The following TNNI3K variants were observed in gnomAD, a reference collection of about 807,000 sequenced individuals.
TNNI3K encodes TNNI3 interacting kinase.
In TNNI3K, 140 loss-of-function variants were observed where a neutral mutation model predicts 114.5. The ratio of observed to expected loss-of-function variants is 1.22; its 90% CI spans 1.07 to 1.41. TNNI3K has a LOEUF of 1.41. Ranked by LOEUF, TNNI3K falls within the 40% of genes most tolerant of loss-of-function variation. The pLI is 0.00. For synonymous variants in TNNI3K, 347 were observed against 347.5 expected (o/e 1.00, Z 0.02); for missense variants, 1,125 against 1,007.6 (o/e 1.12, Z -1.58).
chr1:74,441,764 C>T (rs1666383911), intron 20 of TNNI3K, among the ~76,000 whole-genome samples: 1 of 151,966 alleles, frequency 6.6e-6, no homozygotes, highest in Admixed American at 6.6e-5. Context: ...ACTTTATGTG[C>T]TTGTTTGATA....
intron 17 of TNNI3K, chr1:74,375,021 T>G (rs1662834572): frequency 6.6e-6 from 1 of 152,060 alleles, no homozygotes; most frequent in South Asian, 2.1e-4. Context: ...AGATATAGTA[T>G]TATATGTTAT....
Position 74,369,462 on chromosome 1 carries a change from A to G in TNNI3K, c.1544A>G (p.Gln515Arg). ...MFCREVSILC[Q>R]LNHPCVIQFV... ...TGCCGAGAGGTGTCCATTCTCTGCC[A>G]GCTCAATCATCCCTGCGTAATTCAG... Residue 515 changes from glutamine to arginine, a missense_variant, in exon 16 of 25, where the codon CAG becomes CGG. By Grantham distance (43) the Gln-to-Arg change is conservative. Coordinates refer to ENST00000326637, the MANE Select transcript of TNNI3K (RefSeq NM_015978.3). The G allele has an allele frequency of 6.2e-7, 1 of 1,612,786 alleles. No homozygotes were observed.
At chr1:74,378,953 T>C (rs1482356967) in intron 17 of TNNI3K, among the ~76,000 whole-genome samples, 1 of 151,962 alleles carries the variant, frequency 6.6e-6, no homozygotes, top group Non-Finnish European at 1.5e-5. Flanking sequence ...TATACAAATA[T>C]AATGTTAGTT....
At chr1:74,311,284 A>T (rs532943758) in intron 5 of TNNI3K, among the ~76,000 whole-genome samples, 9 of 152,268 alleles carry the variant, frequency 5.9e-5, no homozygotes, top group Admixed American at 5.9e-4. Flanking sequence ...ATACGTTTTC[A>T]GTTGTCATAA....
At chr1:74,543,683 G>A (rs1243342954) in intron 24 of TNNI3K, among the ~76,000 whole-genome samples, 1 of 152,200 alleles carries the variant, frequency 6.6e-6, no homozygotes, top group Non-Finnish European at 1.5e-5. Flanking sequence ...CACCTGGCCA[G>A]CTTGGGTCCA....
At chr1:74,366,904 T>C (rs1662302799) in intron 11 of TNNI3K, among the ~76,000 whole-genome samples, 1 of 152,012 alleles carries the variant, frequency 6.6e-6, no homozygotes, top group Non-Finnish European at 1.5e-5. Flanking sequence ...AGTGCCCTTA[T>C]TATATATTCC....
chr1:74,484,160 G>T (rs1234475473), intron 21 of TNNI3K, among the ~76,000 whole-genome samples: 1 of 149,078 alleles, frequency 6.7e-6, no homozygotes, highest in East Asian at 2.0e-4. Context: ...AACATCATTT[G>T]AATTTTATGT....
chr1:74,529,055 A>G (rs1010703759), intron 23 of TNNI3K, among the ~76,000 whole-genome samples: 6 of 152,210 alleles, frequency 3.9e-5, no homozygotes, highest in Admixed American at 1.3e-4. Context: ...AGTGACATCA[A>G]TAATATTGTA....
intron 11 of TNNI3K, among the ~76,000 whole-genome samples, chr1:74,363,749 C>G (rs1471888413): frequency 1.3e-5 from 2 of 151,556 alleles, no homozygotes; most frequent in Admixed American, 6.6e-5. Flanking sequence ...TTTTTATTCC[C>G]CCAAGAAGTG....
chr1:74,480,391 G>C lies in TNNI3K; in HGVS notation c.2122-8798G>C, dbSNP rs1447110395. The C allele has an allele frequency of 4.2e-6, 3 of 717,468 alleles. No individual in the cohort carries two copies. The South Asian group carries it at 4.4e-5, about 11-fold the overall frequency. 44.4% of individuals were successfully genotyped at this position (717,468 alleles called of 1,614,324 possible). ...TTCTTAAAAACCGAGCAAGGGGATGGAGATCACAAGTGCAGCTCCACTGGT... is the reference window on the plus strand; with the variant it reads ...TTCTTAAAAACCGAGCAAGGGGATGCAGATCACAAGTGCAGCTCCACTGGT... On this transcript the variant is annotated intron_variant, in intron 21 of 24. Transcript: ENST00000326637.
At chr1:74,247,059 G>A (rs923527286) in intron 2 of TNNI3K, among the ~76,000 whole-genome samples, 4 of 152,104 alleles carry the variant, frequency 2.6e-5, no homozygotes, top group African/African-American at 9.7e-5. Flanking sequence ...TGTTGTGTCC[G>A]GAATTGGTGG....
intron 13 of TNNI3K, among the ~76,000 whole-genome samples, chr1:74,368,287 A>C (rs1662386891): frequency 6.6e-6 from 1 of 151,920 alleles, no homozygotes; most frequent in East Asian, 1.9e-4. Flanking sequence ...TAGAAAACAT[A>C]TGTGAAAAAA....
chr1:74,312,282 G>T (rs1232936187), intron 5 of TNNI3K, among the ~76,000 whole-genome samples: 1 of 152,176 alleles, frequency 6.6e-6, no homozygotes, highest in African/African-American at 2.4e-5. Context: ...GCCAAAGAGG[G>T]CAGTGCCTGG....
chr1:74,307,699 G>A (rs1269960454), intron 5 of TNNI3K, among the ~76,000 whole-genome samples: 4 of 152,038 alleles, frequency 2.6e-5, no homozygotes, highest in African/African-American at 9.7e-5. Context: ...AGTGGAGGAC[G>A]GCCAGGCGTG....
intron 17 of TNNI3K, among the ~76,000 whole-genome samples, chr1:74,384,299 G>T (rs564952297): frequency 2.0e-5 from 3 of 152,206 alleles, no homozygotes; most frequent in Non-Finnish European, 2.9e-5. Context: ...TTGCATGCTA[G>T]TCACTAAAGC....
intron 23 of TNNI3K, among the ~76,000 whole-genome samples, chr1:74,515,357 A>C (rs1283127744): frequency 6.6e-6 from 1 of 152,256 alleles, no homozygotes; most frequent in Non-Finnish European, 1.5e-5. Context: ...GAAAACCCAC[A>C]CCTAACCCAG....
At chr1:74,530,418 G>A (rs1024646088) in intron 23 of TNNI3K, among the ~76,000 whole-genome samples, 3 of 152,156 alleles carry the variant, frequency 2.0e-5, no homozygotes, top group Admixed American at 6.6e-5. Context: ...TATAAAATGA[G>A]TTGTTAGGTG....
intron 5 of TNNI3K, among the ~76,000 whole-genome samples, chr1:74,310,077 A>G (rs906918203): frequency 6.6e-6 from 1 of 152,206 alleles, no homozygotes; most frequent in African/African-American, 2.4e-5. Context: ...TTCCTCCAAA[A>G]GACTCCTAGA....
chr1:74,430,740 G>A lies in TNNI3K; in HGVS notation c.1773-5340G>A, dbSNP rs1665857974. On this transcript the variant is annotated intron_variant, in intron 17 of 24. Transcript: ENST00000326637. Reference sequence around the variant, plus strand: ...AATTAACTCAAGTCATTTGCTTCATGGTAAAAGACAAAGCTAGAGCCAAAT... The same window carrying A: ...AATTAACTCAAGTCATTTGCTTCATAGTAAAAGACAAAGCTAGAGCCAAAT... Among the ~76,000 whole-genome samples the A allele has an allele frequency of 2.0e-5, 3 of 152,212 alleles. No homozygotes were observed. In the South Asian group the frequency reaches 6.2e-4, roughly 32 times the overall value.
Sources: gnomAD v4.1 joint callset for allele counts (sites outside exome capture counted in the v4.1 genomes callset) on GRCh38, gnomAD v4.1.1 for gene constraint, MANE v1.5 for transcripts, NCBI Gene and HGNC (gene_info 2026-07-23, HGNC 2026-07-21) for gene names.